ADAM12: variants seen among roughly 807,000 people sequenced by gnomAD.
ADAM12 encodes the protein disintegrin and metalloproteinase domain-containing protein 12.
Under a neutral mutation model 106.4 loss-of-function variants are expected in ADAM12, and 70 were observed. That is an observed-to-expected ratio of 0.66 (90% CI 0.54 to 0.80). The LOEUF is 0.80. Ranked by LOEUF, ADAM12 falls within the 30% of genes least tolerant of loss-of-function variation. ADAM12 has a pLI of 0.00. For synonymous variants in ADAM12, 420 were observed against 433.5 expected (o/e 0.97, Z 0.39); for missense variants, 1,010 against 1,171.9 (o/e 0.86, Z 2.02).
intron 6 of ADAM12, among the ~76,000 whole-genome samples, chr10:126,111,158 G>T (rs1161983333): frequency 6.6e-6 from 1 of 152,134 alleles, no homozygotes; most frequent in African/African-American, 2.4e-5. Context: ...GCTAATTCAT[G>T]AATTTAGGTG....
chr10:126,218,443 C>T (rs953814834), intron 3 of ADAM12, among the ~76,000 whole-genome samples: 1 of 152,210 alleles, frequency 6.6e-6, no homozygotes, highest in African/African-American at 2.4e-5. Flanking sequence ...GGGCTTGGAA[C>T]TGACTGCTAT....
At chr10:126,332,868 G>C (rs1311158355) in intron 1 of ADAM12, among the ~76,000 whole-genome samples, 1 of 152,202 alleles carries the variant, frequency 6.6e-6, no homozygotes, top group Admixed American at 6.5e-5. Context: ...TCACACGTTG[G>C]AATGCAGAGA....
At chr10:126,176,891 G>A (rs78249033) in intron 3 of ADAM12, among the ~76,000 whole-genome samples, 9,875 of 152,190 alleles carry the variant, frequency 0.065, 598 homozygotes, top group African/African-American at 0.15. Context: ...AGCATGGAGA[G>A]AAATTGGCAA....
At chr10:126,047,759 A>T (rs1003049802) in intron 16 of ADAM12, among the ~76,000 whole-genome samples, 2 of 152,214 alleles carry the variant, frequency 1.3e-5, no homozygotes, top group African/African-American at 2.4e-5. Context: ...CCTAAAACAG[A>T]AATTACCATT....
intron 21 of ADAM12, among the ~76,000 whole-genome samples, chr10:126,028,847 G>A (rs1250808812): frequency 6.6e-6 from 1 of 152,054 alleles, no homozygotes; most frequent in African/African-American, 2.4e-5. Flanking sequence ...CTACAGAATG[G>A]GAGAAAGTTT....
intron 10 of ADAM12, among the ~76,000 whole-genome samples, chr10:126,096,699 C>T (rs114784715): frequency 0.048 from 7,281 of 152,264 alleles, 594 homozygotes; most frequent in African/African-American, 0.16. Flanking sequence ...GTTGATCTTG[C>T]TGATTTCATG....
At chr10:126,355,413 C>A (rs921356154) in intron 1 of ADAM12, among the ~76,000 whole-genome samples, 3 of 152,170 alleles carry the variant, frequency 2.0e-5, no homozygotes, top group Non-Finnish European at 4.4e-5. Flanking sequence ...TTTACTATCA[C>A]CCACAGAAAT....
chr10:126,377,873 T>G (rs1239569059), intron 1 of ADAM12, among the ~76,000 whole-genome samples: 2 of 152,138 alleles, frequency 1.3e-5, no homozygotes, highest in East Asian at 3.8e-4. Context: ...ATACAAGAAA[T>G]AAAAATTAAA....
intron 16 of ADAM12, among the ~76,000 whole-genome samples, chr10:126,048,870 AC>A (rs1954397048): frequency 6.6e-6 from 1 of 152,174 alleles, no homozygotes. Context: ...TTCTAAAAAT[AC>A]ATCTGATTTC....
chr10:126,146,499 C>T (rs2133702905), intron 4 of ADAM12, among the ~76,000 whole-genome samples: 1 of 152,258 alleles, frequency 6.6e-6, no homozygotes, highest in African/African-American at 2.4e-5. Context: ...TGGTCCAGGA[C>T]ACATATCCCT....
intron 5 of ADAM12, among the ~76,000 whole-genome samples, chr10:126,134,128 A>G (rs7099065): frequency 0.041 from 6,317 of 152,326 alleles, 438 homozygotes; most frequent in African/African-American, 0.14. Context: ...AGAGAAGCAA[A>G]TTCAAACCAC....
intron 3 of ADAM12, among the ~76,000 whole-genome samples, chr10:126,170,800 A>C (rs1957106192): frequency 6.6e-6 from 1 of 152,234 alleles, no homozygotes; most frequent in Non-Finnish European, 1.5e-5. Context: ...CCCATGCTGA[A>C]TATTTCTGTT....
intron 3 of ADAM12, among the ~76,000 whole-genome samples, chr10:126,164,349 C>T (rs906715346): frequency 3.3e-5 from 5 of 152,192 alleles, no homozygotes; most frequent in African/African-American, 1.2e-4. Flanking sequence ...GCAATGTAGG[C>T]TTCAGTGATT....
At chr10:126,341,671 T>C (rs532500461) in intron 1 of ADAM12, among the ~76,000 whole-genome samples, 1 of 152,200 alleles carries the variant, frequency 6.6e-6, no homozygotes, top group Non-Finnish European at 1.5e-5. Context: ...AACAGAGAAC[T>C]AAGGGACCAT....
chr10:126,075,301 A>T (rs1955077909), intron 11 of ADAM12, among the ~76,000 whole-genome samples: 1 of 152,194 alleles, frequency 6.6e-6, no homozygotes, highest in South Asian at 2.1e-4. Flanking sequence ...TATGAACCCT[A>T]TTTGGGCAGT....
intron 1 of ADAM12, among the ~76,000 whole-genome samples, chr10:126,342,716 T>C (rs1199412644): frequency 2.0e-5 from 3 of 152,166 alleles, no homozygotes; most frequent in African/African-American, 7.2e-5. Flanking sequence ...GCAAGAACAT[T>C]TGTAGGCTGA....
intron 3 of ADAM12, among the ~76,000 whole-genome samples, chr10:126,160,377 C>T (rs1474000926): frequency 6.6e-6 from 1 of 152,142 alleles, no homozygotes; most frequent in Non-Finnish European, 1.5e-5. Context: ...ACCAACTCCC[C>T]CCTCTCCAAA....
At chr10:126,033,786 C>T (rs1954010670) in intron 21 of ADAM12, among the ~76,000 whole-genome samples, 1 of 152,138 alleles carries the variant, frequency 6.6e-6, no homozygotes, top group African/African-American at 2.4e-5. Flanking sequence ...TTTCTCATCA[C>T]CATGGAGTCC....
chr10:126,313,896 C>T (rs1000658319), intron 2 of ADAM12, among the ~76,000 whole-genome samples: 3 of 151,946 alleles, frequency 2.0e-5, no homozygotes, highest in East Asian at 1.9e-4. Context: ...AGCAACCAAG[C>T]GAGTGGGCAT....
Sources: allele counts gnomAD v4.1 joint callset (sites outside exome capture counted in the v4.1 genomes callset), GRCh38; gene constraint gnomAD v4.1.1; transcripts MANE v1.5; gene names NCBI Gene and HGNC (gene_info 2026-07-23, HGNC 2026-07-21).